The following ENPP6 variants were observed in gnomAD, a reference collection of about 807,000 sequenced individuals.
ENPP6 encodes the protein ectonucleotide pyrophosphatase/phosphodiesterase 6, also known as glycerophosphocholine cholinephosphodiesterase ENPP6.
Under a neutral mutation model 42.0 loss-of-function variants are expected in ENPP6, and 32 were observed. The ratio of observed to expected loss-of-function variants is 0.76; its 90% CI spans 0.58 to 1.02. The LOEUF (loss-of-function observed/expected upper bound fraction) is 1.02, where lower values mean the gene tolerates loss of function less well. Among genes scored for constraint, ENPP6 ranks in the 50% least tolerant of loss-of-function variants. The pLI is 0.00. For missense variants in ENPP6, 552 were observed against 566.8 expected (o/e 0.97, Z 0.27); for synonymous variants, 213 against 216.0 (o/e 0.99, Z 0.12).
chr4:184,131,767 A>G (rs1007274271), intron 2 of ENPP6, among the ~76,000 whole-genome samples: 3 of 150,336 alleles, frequency 2.0e-5, no homozygotes, highest in Admixed American at 6.7e-5. Flanking sequence ...GTGACTATCA[A>G]GAGTCTGTAG....
chr4:184,173,890 G>T (rs148328758), intron 1 of ENPP6, among the ~76,000 whole-genome samples: 227 of 152,320 alleles, frequency 1.5e-3, no homozygotes, highest in African/African-American at 5.0e-3. Context: ...TGCCAGGTCA[G>T]ATCCACAGTG....
chr4:184,198,707 T>C (rs1732842752), intron 1 of ENPP6, among the ~76,000 whole-genome samples: 1 of 152,244 alleles, frequency 6.6e-6, no homozygotes, highest in Non-Finnish European at 1.5e-5. Flanking sequence ...ATTTAATCAA[T>C]ATTGAACAAA....
chr4:184,190,381 G>A (rs1335196150), intron 1 of ENPP6, among the ~76,000 whole-genome samples: 2 of 152,136 alleles, frequency 1.3e-5, no homozygotes, highest in Admixed American at 6.5e-5. Flanking sequence ...TTTGTGTGTG[G>A]ACTGTCACTG....
chr4:184,195,797 A>C (rs892887120), intron 1 of ENPP6, among the ~76,000 whole-genome samples: 6 of 152,228 alleles, frequency 3.9e-5, no homozygotes, highest in Non-Finnish European at 7.3e-5. Flanking sequence ...TTTCTTATAC[A>C]CCCAAGTCTG....
At chr4:184,182,334 C>T (rs968330306) in intron 1 of ENPP6, among the ~76,000 whole-genome samples, 22 of 152,112 alleles carry the variant, frequency 1.4e-4, no homozygotes, top group East Asian at 7.7e-4. Context: ...CCAGTCAGAA[C>T]GGCGATTACT....
Position 184,131,171 on chromosome 4 carries a change from T to TTC in ENPP6, c.422-6901_422-6900dup, listed in dbSNP as rs752739581. 1.0e-4 allele frequency among the ~76,000 whole-genome samples: 6 copies of TTC among 58,490 alleles called. No individual in the cohort carries two copies. In the East Asian group the frequency reaches 2.0e-3, roughly 19 times the overall value. 38.4% of individuals were successfully genotyped at this position (58,490 alleles called of 152,430 possible). A position where few individuals can be genotyped will look rare whatever the true frequency, so the allele number is the denominator to read the frequency against. ...TTTCTTTCTTTCTTTCTTTCTTTCT[T>TTC]TCTTTCTTTCTTTCTTTCTTTCTTT... On this transcript the variant is annotated intron_variant, in intron 2 of 7. Coordinates refer to ENST00000296741, the MANE Select transcript of ENPP6 (RefSeq NM_153343.4).
intron 1 of ENPP6, among the ~76,000 whole-genome samples, chr4:184,205,307 A>G (rs1372854147): frequency 6.6e-6 from 1 of 152,214 alleles, no homozygotes; most frequent in African/African-American, 2.4e-5. Flanking sequence ...AGAAAGTAAG[A>G]GGGAGAGAGA....
intron 2 of ENPP6, among the ~76,000 whole-genome samples, chr4:184,144,824 A>G (rs1441430191): frequency 6.6e-6 from 1 of 152,234 alleles, no homozygotes; most frequent in Non-Finnish European, 1.5e-5. Context: ...GAGAGCAACA[A>G]GGTCTTCTTC....
At chr4:184,206,303 G>A (rs1208839121) in intron 1 of ENPP6, among the ~76,000 whole-genome samples, 2 of 116,062 alleles carry the variant, frequency 1.7e-5, no homozygotes, top group Non-Finnish European at 3.4e-5. Flanking sequence ...TGTCGCCCAG[G>A]CTGGAGTGCA....
Position 184,090,460 on chromosome 4 carries a change from CA to C in ENPP6, c.*716del, listed in dbSNP as rs1735769123. 6.6e-6 allele frequency: 1 copy of C among 152,312 alleles called. No individual in the cohort carries two copies. Among genetic ancestry groups the C allele is most frequent in the African/African-American group, 2.4e-5 (1 of 41,470 alleles). The allele number at this position is 152,312 out of a possible 1,614,324, so 9.4% of individuals were successfully genotyped here. A position where few individuals can be genotyped will look rare whatever the true frequency, so the allele number is the denominator to read the frequency against. On this transcript the variant is annotated 3_prime_UTR_variant, in exon 8 of 8. Transcript: ENST00000296741. Reference sequence around the variant, plus strand: ...AAGTCTCACAGAAGCCCATGTCCATCAGAAGCTTTTCTGCTCCTCAAGGCAA... The same window carrying C: ...AAGTCTCACAGAAGCCCATGTCCATCGAAGCTTTTCTGCTCCTCAAGGCAA...
At chr4:184,188,694 T>C (rs1340959259) in intron 1 of ENPP6, among the ~76,000 whole-genome samples, 4 of 152,210 alleles carry the variant, frequency 2.6e-5, no homozygotes, top group Non-Finnish European at 1.5e-5. Flanking sequence ...GAGAAGCAAG[T>C]CTTCTGAGAA....
chr4:184,205,037 T>A (rs1732972606), intron 1 of ENPP6, among the ~76,000 whole-genome samples: 1 of 152,116 alleles, frequency 6.6e-6, no homozygotes, highest in African/African-American at 2.4e-5. Context: ...TTCAAGCGAT[T>A]CTCCTGCCTC....
rs1369683851 is a variant in ENPP6 at position 184,152,926 on chromosome 4, TG to T, written c.421+627del. Among the ~76,000 whole-genome samples the T allele has an allele frequency of 2.9e-5, 3 of 104,870 alleles. No individual in the cohort carries two copies. In the East Asian group the frequency reaches 2.3e-3, roughly 79 times the overall value. 68.8% of individuals were successfully genotyped at this position (104,870 alleles called of 152,430 possible). A position where few individuals can be genotyped will look rare whatever the true frequency, so the allele number is the denominator to read the frequency against. ...TCAATGACGTATGGAAATGGTACACTGTTTTTTTTTTTGTAAAGCAAGTAAG... is the reference window on the plus strand; with the variant it reads ...TCAATGACGTATGGAAATGGTACACTTTTTTTTTTTTGTAAAGCAAGTAAG... On this transcript the variant is annotated intron_variant, in intron 2 of 7. Coordinates refer to ENST00000296741, the MANE Select transcript of ENPP6 (RefSeq NM_153343.4).
intron 1 of ENPP6, among the ~76,000 whole-genome samples, chr4:184,190,952 C>T (rs755514864): frequency 3.3e-5 from 5 of 152,232 alleles, no homozygotes; most frequent in Non-Finnish European, 5.9e-5. Context: ...TCCATTGAGA[C>T]ACACAAAGGA....
chr4:184,115,680 C>A (rs1313209780), intron 5 of ENPP6, among the ~76,000 whole-genome samples: 1 of 152,164 alleles, frequency 6.6e-6, no homozygotes, highest in Non-Finnish European at 1.5e-5. Flanking sequence ...TACAGGGAGG[C>A]AGAGAGGCCA....
intron 1 of ENPP6, among the ~76,000 whole-genome samples, chr4:184,214,999 A>G (rs1733175479): frequency 6.6e-6 from 1 of 152,214 alleles, no homozygotes; most frequent in East Asian, 1.9e-4. Flanking sequence ...AAAGTGAAAT[A>G]AAATAAAATA....
intron 2 of ENPP6, among the ~76,000 whole-genome samples, chr4:184,152,862 C>T (rs11736005): frequency 0.43 from 64,738 of 151,622 alleles, 14,022 homozygotes; most frequent in Admixed American, 0.49. Flanking sequence ...CAAAAAATAG[C>T]GAGTGCTTTC....
At chr4:184,192,485 T>G (rs143569434) in intron 1 of ENPP6, among the ~76,000 whole-genome samples, 1 of 152,352 alleles carries the variant, frequency 6.6e-6, no homozygotes, top group African/African-American at 2.4e-5. Flanking sequence ...GCTAGAAATT[T>G]TCTTTGTCTT....
chr4:184,202,001 G>A (rs1306219284), intron 1 of ENPP6, among the ~76,000 whole-genome samples: 1 of 152,172 alleles, frequency 6.6e-6, no homozygotes, highest in East Asian at 1.9e-4. Context: ...TGGGTAGCAA[G>A]CAGTGAGATA....
Sources: allele counts gnomAD v4.1 joint callset (sites outside exome capture counted in the v4.1 genomes callset), GRCh38; gene constraint gnomAD v4.1.1; transcripts MANE v1.5; gene names NCBI Gene and HGNC (gene_info 2026-07-23, HGNC 2026-07-21).